The following CAMK1D variants were observed in gnomAD, a reference collection of about 807,000 sequenced individuals.
CAMK1D encodes calcium/calmodulin-dependent protein kinase type 1D.
In CAMK1D, 9 loss-of-function variants were observed where a neutral mutation model predicts 47.7. The observed-to-expected ratio is 0.19, with a 90% CI of 0.11 to 0.33. The LOEUF is 0.33. CAMK1D is among the 10% of genes least tolerant of loss of function. The pLI is 1.00. For synonymous variants in CAMK1D, 184 were observed against 184.9 expected, an observed-to-expected ratio of 0.99 and a Z score of 0.04; for missense variants, 291 against 488.7, an observed-to-expected ratio of 0.60 and a Z score of 3.81.
chr10:12,685,027 T>C (rs572730568), intron 3 of CAMK1D, among the ~76,000 whole-genome samples: 4 of 152,370 alleles, frequency 2.6e-5, no homozygotes, highest in Admixed American at 2.0e-4. Flanking sequence ...CAGCCATTAC[T>C]GGCTGGGCGC....
At chr10:12,496,356 C>T (rs181288986) in intron 1 of CAMK1D, among the ~76,000 whole-genome samples, 3 of 152,222 alleles carry the variant, frequency 2.0e-5, no homozygotes, top group East Asian at 1.9e-4. Context: ...TCTCTAGGGT[C>T]GTTGTGGCTC....
intron 1 of CAMK1D, among the ~76,000 whole-genome samples, chr10:12,446,641 C>G (rs1163001425): frequency 6.6e-6 from 1 of 152,202 alleles, no homozygotes; most frequent in Non-Finnish European, 1.5e-5. Context: ...GTTCCAGTGC[C>G]TCTGACACTA....
chr10:12,471,352 G>A (rs1833741172), intron 1 of CAMK1D, among the ~76,000 whole-genome samples: 1 of 152,186 alleles, frequency 6.6e-6, no homozygotes, highest in African/African-American at 2.4e-5. Context: ...CCCAAATGCT[G>A]TCTGTGTTGA....
chr10:12,608,239 C>T (rs1366609250), intron 2 of CAMK1D, among the ~76,000 whole-genome samples: 10 of 152,044 alleles, frequency 6.6e-5, no homozygotes, highest in African/African-American at 9.7e-5. Flanking sequence ...GCCAACATGG[C>T]GGAACCCCAT....
chr10:12,771,412 G>A (rs1377606925), intron 5 of CAMK1D, among the ~76,000 whole-genome samples: 2 of 152,234 alleles, frequency 1.3e-5, no homozygotes, highest in Non-Finnish European at 2.9e-5. Context: ...GATACAAGGG[G>A]TATTGTGGGA....
rs372300916 is a variant in CAMK1D, at chr10:12,572,434, G to C, written c.224+19078G>C. 5.2e-4 allele frequency among the ~76,000 whole-genome samples: 79 copies of C among 152,246 alleles called. 1 individual carries two copies. The highest frequency in any genetic ancestry group is 1.9e-3 in the African/African-American group (78 of 41,540). On this transcript the variant is annotated intron_variant, in intron 2 of 10. Transcript: ENST00000619168. The stretch of plus-strand genomic sequence containing the variant: ...TGTATTTCATTTGCTAGGCCAAGGG[G>C]TAACCATTGAAAATTTTTGCATAGC...
intron 6 of CAMK1D, among the ~76,000 whole-genome samples, chr10:12,809,341 C>G (rs1832503421): frequency 6.6e-6 from 1 of 152,184 alleles, no homozygotes; most frequent in African/African-American, 2.4e-5. Context: ...CTATGGAAAA[C>G]AGTGTGGCAA....
intron 1 of CAMK1D, among the ~76,000 whole-genome samples, chr10:12,376,416 C>T (rs1004005716): frequency 9.2e-5 from 14 of 152,204 alleles, no homozygotes; most frequent in African/African-American, 2.4e-5. Flanking sequence ...CTGTGCTGAC[C>T]GAGATGGAAC....
Position 12,828,803 on chromosome 10 carries a change from T to G in CAMK1D, c.1074T>G (p.Ser358=), listed in dbSNP as rs761535232. 1.9e-6 allele frequency: 3 copies of G among 1,613,952 alleles called. No individual in the cohort carries two copies. Among genetic ancestry groups the G allele is most frequent in the Non-Finnish European group, 2.5e-6 (3 of 1,179,908 alleles). ...CTTCCACGCTCTGTAGTTTCATTTC[T>G]TCTTCGTCGGGGGTCTCAGGAGTTG... ...LAPSTLCSFI[S]SSSGVSGVGA... Residue 358 remains serine (S), a synonymous_variant, in exon 11 of 11, where the codon TCT becomes TCG. Coordinates refer to ENST00000619168, the MANE Select transcript of CAMK1D (RefSeq NM_153498.4).
At position 12,392,017 on chromosome 10, in the gene CAMK1D, A is replaced by ACACACACACACACACACACAC. The variant is rs34312096; in HGVS notation, c.92+42107_92+42108insCACACACACACACACACACAC. ...CACACACACACACACACACACACACAAACAGTCTGGGTATGGTGGCTCACA... is the reference window on the plus strand; with the variant it reads ...CACACACACACACACACACACACACACACACACACACACACACACACAACAGTCTGGGTATGGTGGCTCACA... On this transcript the variant is annotated intron_variant, in intron 1 of 10. Transcript: ENST00000619168. 1.0e-3 allele frequency among the ~76,000 whole-genome samples: 147 copies of ACACACACACACACACACACAC among 147,320 alleles called. 1 individual carries two copies. Among genetic ancestry groups the ACACACACACACACACACACAC allele is most frequent in the African/African-American group, 3.4e-3 (136 of 40,010 alleles).
chr10:12,592,222 G>A (rs9787593), intron 2 of CAMK1D, among the ~76,000 whole-genome samples: 8,671 of 152,074 alleles, frequency 0.057, 526 homozygotes, highest in East Asian at 0.18. Context: ...ATCTCCCTGC[G>A]ATCTCCCAAG....
rs149999011 is a variant in CAMK1D at position 12,636,119 on chromosome 10, C to T, written c.225-30617C>T. Among the ~76,000 whole-genome samples, 376 of 152,310 alleles carry T rather than the reference C, an allele frequency of 2.5e-3. 2 individuals are homozygous for T. Among genetic ancestry groups the T allele is most frequent in the African/African-American group, 8.5e-3 (352 of 41,560 alleles). On this transcript the variant is annotated intron_variant, in intron 2 of 10. Coordinates refer to ENST00000619168, the MANE Select transcript of CAMK1D (RefSeq NM_153498.4). ...GTTCAGTGGCATTAAGTACATTTCA[C>T]ATTGTTATATGATCCTTACCACCAT...
intron 3 of CAMK1D, among the ~76,000 whole-genome samples, chr10:12,755,385 G>A (rs978750432): frequency 3.3e-5 from 5 of 152,316 alleles, no homozygotes; most frequent in South Asian, 4.1e-4. Context: ...GGAAAAGATC[G>A]AGAAGATGGA....
chr10:12,595,907 A>G (rs80235031), intron 2 of CAMK1D, among the ~76,000 whole-genome samples: 6,948 of 152,198 alleles, frequency 0.046, 186 homozygotes, highest in Middle Eastern at 0.082. Flanking sequence ...GCTTCCTACT[A>G]TGAGTAGCAG....
At chr10:12,541,323 A>G (rs1240365827) in intron 1 of CAMK1D, among the ~76,000 whole-genome samples, 1 of 152,152 alleles carries the variant, frequency 6.6e-6, no homozygotes, top group Admixed American at 6.6e-5. Context: ...CACATTGAAC[A>G]TTGAGACCAT....
chr10:12,398,322 C>T (rs1226225794), intron 1 of CAMK1D, among the ~76,000 whole-genome samples: 1 of 151,938 alleles, frequency 6.6e-6, no homozygotes, highest in Non-Finnish European at 1.5e-5. Context: ...GGCTAGAGGG[C>T]CTACATATTT....
Position 12,829,134 on chromosome 10 carries a change from A to C in CAMK1D, c.*247A>C. On this transcript the variant is annotated 3_prime_UTR_variant, in exon 11 of 11. Transcript: ENST00000619168. ...TGGTGCTGTATATACGAATCTTGCA[A>C]AGCTCTAACTGAACGGACCTTCTTA... The C allele has an allele frequency of 2.4e-6, 1 of 422,358 alleles. No homozygotes were observed. The highest frequency in any genetic ancestry group is 4.2e-6 in the Non-Finnish European group (1 of 238,214). 26.2% of individuals were successfully genotyped at this position (422,358 alleles called of 1,614,324 possible).
At chr10:12,615,551 G>A (rs189738208) in intron 2 of CAMK1D, among the ~76,000 whole-genome samples, 108 of 147,122 alleles carry the variant, frequency 7.3e-4, no homozygotes, top group Non-Finnish European at 1.8e-4. Context: ...TACATGTGTA[G>A]TTATGTGTGT....
chr10:12,803,817 G>T (rs1451567336), intron 6 of CAMK1D, among the ~76,000 whole-genome samples: 1 of 152,176 alleles, frequency 6.6e-6, no homozygotes, highest in Non-Finnish European at 1.5e-5. Flanking sequence ...TGGACCAGGT[G>T]ATAGCTTCTG....
Sources: allele counts gnomAD v4.1 joint callset (sites outside exome capture counted in the v4.1 genomes callset), GRCh38; gene constraint gnomAD v4.1.1; transcripts MANE v1.5; gene names NCBI Gene and HGNC (gene_info 2026-07-23, HGNC 2026-07-21).